TRAF3: variants seen among roughly 807,000 people sequenced by gnomAD.
The protein encoded by TRAF3 is TNF receptor-associated factor 3.
Under a neutral mutation model 62.3 loss-of-function variants are expected in TRAF3, and 13 were observed. The observed-to-expected ratio is 0.21, with a 90% CI of 0.14 to 0.33. The LOEUF (loss-of-function observed/expected upper bound fraction) is 0.33, where lower values mean the gene tolerates loss of function less well. Ranked by LOEUF, TRAF3 falls within the 10% of genes least tolerant of loss-of-function variation. The probability of loss-of-function intolerance (pLI) is 1.00; values close to 1 mark genes in which losing one functional copy is unlikely to be tolerated. For missense variants in TRAF3, 440 were observed against 741.8 expected (o/e 0.59, Z 4.73); for synonymous variants, 269 against 283.4 (o/e 0.95, Z 0.51).
intron 6 of TRAF3, among the ~76,000 whole-genome samples, chr14:102,881,561 G>A (rs1163816626): frequency 6.6e-6 from 1 of 152,000 alleles, no homozygotes; most frequent in Non-Finnish European, 1.5e-5. Context: ...ACACATTTAG[G>A]GGATCAACAC....
intron 1 of TRAF3, among the ~76,000 whole-genome samples, chr14:102,807,059 C>A (rs546011903): frequency 6.6e-6 from 1 of 152,296 alleles, no homozygotes; most frequent in South Asian, 2.1e-4. Context: ...CCCAGGCAAG[C>A]CTTCTGCTGA....
intron 2 of TRAF3, among the ~76,000 whole-genome samples, chr14:102,842,082 T>C (rs762618062): frequency 2.2e-4 from 33 of 151,854 alleles, no homozygotes; most frequent in Non-Finnish European, 4.3e-4. Flanking sequence ...TCGTCTCTAC[T>C]GAAAATACAA....
intron 1 of TRAF3, among the ~76,000 whole-genome samples, chr14:102,778,937 C>CT (rs1481834945): frequency 1.3e-5 from 2 of 152,184 alleles, no homozygotes; most frequent in African/African-American, 4.8e-5. Context: ...GTACAGCGTT[C>CT]TTTTCTCAAA....
chr14:102,810,859 A>C (rs1279157690), intron 1 of TRAF3: 1 of 152,250 alleles, frequency 6.6e-6, no homozygotes, highest in Non-Finnish European at 1.5e-5. Context: ...GATGAAACGT[A>C]GAAAAGGTAC....
chr14:102,896,297 C>T (rs1367010623), intron 9 of TRAF3, among the ~76,000 whole-genome samples: 1 of 152,134 alleles, frequency 6.6e-6, no homozygotes, highest in Non-Finnish European at 1.5e-5. Flanking sequence ...AGCAGCTCCA[C>T]AAGCCTACCC....
chr14:102,889,664 C>G, intron 8 of TRAF3, 30 bp downstream of exon 8: 2 of 1,608,810 alleles, frequency 1.2e-6, no homozygotes, highest in Non-Finnish European at 1.7e-6. Context: ...CCTTCCCAGT[C>G]ACTGACATTC....
chr14:102,853,837 TAAA>T (rs35601098), intron 2 of TRAF3, among the ~76,000 whole-genome samples: 3 of 133,310 alleles, frequency 2.3e-5, no homozygotes, highest in Non-Finnish European at 3.2e-5. Context: ...AGACTCCGTC[TAAA>T]AAAAAAAAAA....
In TRAF3 at chr14:102,887,120, T is replaced by C. The variant is rs577558603; in HGVS notation, c.651+851T>C. Among the ~76,000 whole-genome samples, 4 of 152,340 alleles carry C rather than the reference T, an allele frequency of 2.6e-5. No individual in the cohort carries two copies. The East Asian group carries it at 7.7e-4, about 29-fold the overall frequency. ...CTTCACTTGATCAGGATATGTCCAG[T>C]TGGGAAAATTTCAAGGATTCTTAAT... On this transcript the variant is annotated intron_variant, in intron 7 of 11. Coordinates refer to ENST00000392745, the MANE Select transcript of TRAF3 (RefSeq NM_145725.3).
intron 11 of TRAF3, 43 bp from the exon 12 acceptor site, chr14:102,905,170 C>G: frequency 6.3e-7 from 1 of 1,575,284 alleles, no homozygotes; most frequent in Non-Finnish European, 8.7e-7. Context: ...ACCTCTCTGA[C>G]GTTCACCTGT....
intron 3 of TRAF3, 88 bp from the exon 4 acceptor site, chr14:102,871,829 G>C: frequency 7.8e-7 from 1 of 1,283,422 alleles, no homozygotes; most frequent in Non-Finnish European, 1.1e-6. Flanking sequence ...GTGCAGACCT[G>C]ACCATAAAGT....
intron 2 of TRAF3, among the ~76,000 whole-genome samples, chr14:102,867,165 A>G (rs1888048778): frequency 1.3e-5 from 2 of 152,072 alleles, no homozygotes; most frequent in East Asian, 1.9e-4. Context: ...CTTTCGTACA[A>G]CCTACACACC....
chr14:102,811,247 G>C (rs2139517204), intron 1 of TRAF3, among the ~76,000 whole-genome samples: 1 of 151,868 alleles, frequency 6.6e-6, no homozygotes, highest in East Asian at 1.9e-4. Context: ...CTTCTCATGA[G>C]CCCCGTTGCT....
chr14:102,840,458 T>A (rs191451266), intron 2 of TRAF3, among the ~76,000 whole-genome samples: 58 of 152,192 alleles, frequency 3.8e-4, no homozygotes, highest in African/African-American at 1.3e-3. Context: ...TCTCAAACTC[T>A]GAGCTCAAGC....
At chr14:102,868,539 G>A (rs1207257073) in intron 2 of TRAF3, among the ~76,000 whole-genome samples, 1 of 152,140 alleles carries the variant, frequency 6.6e-6, no homozygotes, top group Non-Finnish European at 1.5e-5. Flanking sequence ...TAAGGCACTG[G>A]GCAAAAACTT....
At chr14:102,862,726 G>T (rs757610490) in intron 2 of TRAF3, among the ~76,000 whole-genome samples, 4 of 151,784 alleles carry the variant, frequency 2.6e-5, no homozygotes, top group Non-Finnish European at 1.5e-5. Flanking sequence ...GTCTTTCTAA[G>T]ACCCTATAAT....
chr14:102,829,683 GC>G (rs1401006399), intron 1 of TRAF3, among the ~76,000 whole-genome samples: 5 of 152,214 alleles, frequency 3.3e-5, no homozygotes. Flanking sequence ...CTGGGAGGCA[GC>G]CCTGCCTGTT....
intron 1 of TRAF3, among the ~76,000 whole-genome samples, chr14:102,784,837 C>G (rs971966618): frequency 6.6e-6 from 1 of 152,140 alleles, no homozygotes; most frequent in African/African-American, 2.4e-5. Context: ...GGGAAGCTAG[C>G]AGCAGGAGTG....
chr14:102,796,811 T>G (rs935925041), intron 1 of TRAF3, among the ~76,000 whole-genome samples: 7 of 152,242 alleles, frequency 4.6e-5, no homozygotes, highest in African/African-American at 1.7e-4. Context: ...TATGTATATA[T>G]TTTGAATAAG....
intron 1 of TRAF3, among the ~76,000 whole-genome samples, chr14:102,780,461 G>A (rs1403790817): frequency 1.3e-5 from 2 of 151,912 alleles, no homozygotes; most frequent in African/African-American, 2.4e-5. Flanking sequence ...AGGAAAGGGG[G>A]TGGGGAGACA....
Sources: allele counts gnomAD v4.1 joint callset (sites outside exome capture counted in the v4.1 genomes callset), GRCh38; gene constraint gnomAD v4.1.1; transcripts MANE v1.5; gene names NCBI Gene and HGNC (gene_info 2026-07-23, HGNC 2026-07-21).